The following GSDME variants were observed in gnomAD, a reference collection of about 807,000 sequenced individuals.
The protein encoded by GSDME is gasdermin E, also known as gasdermin-E.
In GSDME, 44 loss-of-function variants were observed where a neutral mutation model predicts 47.5. The observed-to-expected ratio is 0.93, with a 90% CI of 0.73 to 1.19. GSDME has a LOEUF of 1.19. GSDME is among the 50% of genes most tolerant of loss of function. GSDME has a pLI of 0.00. For missense variants in GSDME, 663 were observed against 604.2 expected, an observed-to-expected ratio of 1.10 and a Z score of -1.02; for synonymous variants, 258 against 252.8, an observed-to-expected ratio of 1.02 and a Z score of -0.20.
At chr7:24,706,478 C>T (rs1789111134) in intron 7 of GSDME, 102 bp from the exon 8 acceptor site, 1 of 1,196,008 alleles carries the variant, frequency 8.4e-7, no homozygotes, top group Non-Finnish European at 1.2e-6. Context: ...CCTTCCCACT[C>T]CCCCGAGGAA....
chr7:24,733,377 A>G lies in GSDME; in HGVS notation c.404+11185T>C, dbSNP rs1790205146. 6.6e-6 allele frequency among the ~76,000 whole-genome samples: 1 copy of G among 152,048 alleles called. No individual in the cohort carries two copies. Among genetic ancestry groups the G allele is most frequent in the Non-Finnish European group, 1.5e-5 (1 of 68,034 alleles). On this transcript the variant is annotated intron_variant, in intron 3 of 9. Coordinates refer to ENST00000645220, the MANE Select transcript of GSDME (RefSeq NM_001127453.2). The surrounding 1 kb of genome is among the most constrained non-coding windows in gnomAD (Gnocchi z 4.3). Reference sequence around the variant, plus strand: ...TCACAGCTGTGCTGGCTATGAGGAGAGATTCCTTCTGCTTGAGAAAAGCAG... The same window carrying G: ...TCACAGCTGTGCTGGCTATGAGGAGGGATTCCTTCTGCTTGAGAAAAGCAG...
At chr7:24,781,418 T>C in the GSDME span, among the ~76,000 whole-genome samples, 2 of 152,264 alleles carry the variant, frequency 1.3e-5, no homozygotes, top group South Asian at 4.2e-4. Context: ...GGCCGGTGAA[T>C]TTATATTCAC....
the GSDME span, among the ~76,000 whole-genome samples, chr7:24,764,985 C>T: frequency 6.6e-6 from 1 of 152,156 alleles, no homozygotes; most frequent in African/African-American, 2.4e-5. This position sits in a 1 kb window ranked among gnomAD's most constrained non-coding sequence, Gnocchi z 4.4. Flanking sequence ...AAGGTCCCAG[C>T]AATTCTGACT....
At position 24,726,503 on chromosome 7, in the gene GSDME, G is replaced by T. The variant is rs1789969649; in HGVS notation, c.405-7285C>A. 1.3e-5 allele frequency among the ~76,000 whole-genome samples: 2 copies of T among 152,082 alleles called. No homozygotes were observed. Among genetic ancestry groups the T allele is most frequent in the Admixed American group, 6.6e-5 (1 of 15,266 alleles). On this transcript the variant is annotated intron_variant, in intron 3 of 9. Coordinates refer to ENST00000645220, the MANE Select transcript of GSDME (RefSeq NM_001127453.2). This position sits in a 1 kb window ranked among gnomAD's most constrained non-coding sequence, Gnocchi z 5.6. The stretch of plus-strand genomic sequence containing the variant: ...AGGCCAAGGCAGCCACCACTAGCAG[G>T]GTCCTCTTACACAAAAACCCTTGAT...
intron 8 of GSDME, 137 bp from the exon 9 acceptor site, chr7:24,702,970 G>T (rs897941532): frequency 4.5e-6 from 3 of 672,126 alleles, no homozygotes; most frequent in Non-Finnish European, 8.0e-6. Flanking sequence ...CAGTTGCTGA[G>T]TTAGTGAATG....
At chr7:24,776,355 C>T in the GSDME span, among the ~76,000 whole-genome samples, 5 of 152,114 alleles carry the variant, frequency 3.3e-5, no homozygotes, top group Non-Finnish European at 7.4e-5. Flanking sequence ...GGAGCCAGTT[C>T]TGGGTTTAAT....
At chr7:24,717,404 T>C in intron 4 of GSDME, 30 bp from the exon 5 acceptor site, 1 of 1,614,040 alleles carries the variant, frequency 6.2e-7, no homozygotes, top group Non-Finnish European at 8.5e-7. Context: ...CTCCCACCTG[T>C]GCACTCGGGC....
intron 5 of GSDME, among the ~76,000 whole-genome samples, chr7:24,711,387 G>A (rs1046122359): frequency 1.3e-5 from 2 of 152,076 alleles, no homozygotes; most frequent in African/African-American, 4.8e-5. Context: ...ACCACACCTG[G>A]CTAATTTTTG....
intron 5 of GSDME, among the ~76,000 whole-genome samples, chr7:24,713,375 G>A (rs1789431193): frequency 6.6e-6 from 1 of 152,174 alleles, no homozygotes; most frequent in Non-Finnish European, 1.5e-5. Context: ...CAGGGAGAAG[G>A]GTGAGGGGAA....
At chr7:24,789,653 G>T in the GSDME span, among the ~76,000 whole-genome samples, 2 of 152,236 alleles carry the variant, frequency 1.3e-5, no homozygotes, top group African/African-American at 4.8e-5. Context: ...CTATCTGCCT[G>T]TGGATTTCAT....
At position 24,705,405 on chromosome 7, in the gene GSDME, CTG is replaced by C. The variant is rs1400545242; in HGVS notation, c.1183+777_1183+778del. ...CTTTAAAAACTGAAGATTACTGGGTCTGTTTCTGTGTGGTGCTAGGGAGGAAC... is the reference window on the plus strand; with the variant it reads ...CTTTAAAAACTGAAGATTACTGGGTCTTTCTGTGTGGTGCTAGGGAGGAAC... On this transcript the variant is annotated intron_variant, in intron 8 of 9. Transcript: ENST00000645220. The surrounding 1 kb of genome is among the most constrained non-coding windows in gnomAD (Gnocchi z 4.1). 1 of 152,558 alleles carries C rather than the reference CTG, an allele frequency of 6.6e-6. No individual in the cohort carries two copies. The highest frequency in any genetic ancestry group is 2.4e-5 in the African/African-American group (1 of 41,448). 9.5% of individuals were successfully genotyped at this position (152,558 alleles called of 1,614,324 possible). A position where few individuals can be genotyped will look rare whatever the true frequency, so the allele number is the denominator to read the frequency against.
intron 9 of GSDME, among the ~76,000 whole-genome samples, chr7:24,702,192 A>G (rs1046845846): frequency 6.6e-6 from 1 of 152,238 alleles, no homozygotes; most frequent in Non-Finnish European, 1.5e-5. Flanking sequence ...GGCTCAATCT[A>G]TAATTTAAAA....
chr7:24,715,626 G>C (rs1789522970), intron 5 of GSDME: 1 of 339,122 alleles, frequency 2.9e-6, no homozygotes, highest in Non-Finnish European at 6.1e-6. Flanking sequence ...ACAGATAACA[G>C]AGACTAGAAG....
chr7:24,707,525 G>A (rs529750470), intron 7 of GSDME: 8 of 428,166 alleles, frequency 1.9e-5, no homozygotes, highest in Admixed American at 1.1e-4. Flanking sequence ...GCAGTAGTCT[G>A]AGTAGTGGCC....
In GSDME at chr7:24,756,446, A is replaced by G. The variant is rs530173229; in HGVS notation, c.-20+950T>C. Among the ~76,000 whole-genome samples, 3 of 152,218 alleles carry G rather than the reference A, an allele frequency of 2.0e-5. No individual in the cohort carries two copies. The South Asian group carries it at 6.2e-4, about 32-fold the overall frequency. ...AGATCTACCTAATGGTCTGGGCTCAACTTCTCCTTTAGAAAAAGAGCTTGG... is the reference window on the plus strand; with the variant it reads ...AGATCTACCTAATGGTCTGGGCTCAGCTTCTCCTTTAGAAAAAGAGCTTGG... On this transcript the variant is annotated intron_variant, in intron 1 of 9. Transcript: ENST00000645220. This position sits in a 1 kb window ranked among gnomAD's most constrained non-coding sequence, Gnocchi z 4.2.
chr7:24,752,075 T>C (rs1790877608), intron 1 of GSDME, among the ~76,000 whole-genome samples: 1 of 152,222 alleles, frequency 6.6e-6, no homozygotes, highest in African/African-American at 2.4e-5. Flanking sequence ...GAGCACTATA[T>C]GGATGCTGTA....
chr7:24,704,166 T>TAGCACTGCCTAAAA (rs1788999423), intron 8 of GSDME: 1 of 152,260 alleles, frequency 6.6e-6, no homozygotes, highest in South Asian at 2.1e-4. Context: ...GATATTTACC[T>TAGCACTGCCTAAAA]AGCACTGCCT....
chr7:24,772,270 C>A, the GSDME span, among the ~76,000 whole-genome samples: 1 of 152,246 alleles, frequency 6.6e-6, no homozygotes, highest in African/African-American at 2.4e-5. The surrounding 1 kb of genome is among the most constrained non-coding windows in gnomAD (Gnocchi z 4.5). Flanking sequence ...GTGGCTGCAT[C>A]TTGCTTAGCT....
intron 2 of GSDME, among the ~76,000 whole-genome samples, chr7:24,746,824 A>G (rs1001032385): frequency 6.6e-6 from 1 of 152,182 alleles, no homozygotes; most frequent in Non-Finnish European, 1.5e-5. Flanking sequence ...TGGACTGCCA[A>G]CACCAGTCAC....
Sources: gnomAD v4.1 joint callset for allele counts (sites outside exome capture counted in the v4.1 genomes callset) on GRCh38, gnomAD v4.1.1 for gene constraint, Gnocchi (gnomAD v3.1) non-coding constraint, MANE v1.5 for transcripts, NCBI Gene and HGNC (gene_info 2026-07-23, HGNC 2026-07-21) for gene names.